SNX25: variants seen among roughly 807,000 people sequenced by gnomAD.
SNX25 encodes sorting nexin 25, also known as sorting nexin-25.
Under a neutral mutation model 113.7 loss-of-function variants are expected in SNX25, and 62 were observed. The observed-to-expected ratio is 0.55, with a 90% CI of 0.44 to 0.67. The LOEUF is 0.67. Ranked by LOEUF, SNX25 falls within the 30% of genes least tolerant of loss-of-function variation. The probability of loss-of-function intolerance (pLI) is 0.00; values close to 1 mark genes in which losing one functional copy is unlikely to be tolerated. For synonymous variants in SNX25, 421 were observed against 436.2 expected, an observed-to-expected ratio of 0.97 and a Z score of 0.43; for missense variants, 1,014 against 1,161.0, an observed-to-expected ratio of 0.87 and a Z score of 1.84.
At chr4:185,376,681 AAAAC>A in the SNX25 span, among the ~76,000 whole-genome samples, 1 of 152,200 alleles carries the variant, frequency 6.6e-6, no homozygotes, top group Non-Finnish European at 1.5e-5. Flanking sequence ...ATTTTATACT[AAAAC>A]GACTCCCATA....
rs568467160 is a variant in SNX25, at chr4:185,300,170, T to A, written c.1163-10465T>A. Among the ~76,000 whole-genome samples the A allele has an allele frequency of 5.0e-3, 761 of 152,224 alleles. 2 individuals carry two copies. The highest frequency in any genetic ancestry group is 0.016 in the African/African-American group (685 of 41,528). On this transcript the variant is annotated intron_variant, in intron 6 of 18. Transcript: ENST00000652585. ...AACAATGTCCACTAGGAAATTTTTT[T>A]TTTTTTTGAGGTGGAGCCTCGCTCT...
chr4:185,339,189 A>G (rs2095247642), intron 10 of SNX25, among the ~76,000 whole-genome samples, 190 bp from the exon 11 acceptor site: 2 of 152,110 alleles, frequency 1.3e-5, no homozygotes, highest in South Asian at 4.1e-4. Flanking sequence ...CCTTGTTTAC[A>G]TTAATCCCTA....
chr4:185,220,353 A>T (rs1034722645), intron 1 of SNX25, among the ~76,000 whole-genome samples: 1 of 151,978 alleles, frequency 6.6e-6, no homozygotes, highest in Non-Finnish European at 1.5e-5. Flanking sequence ...ACATATGTAT[A>T]CATGTGCCAT....
intron 1 of SNX25, among the ~76,000 whole-genome samples, chr4:185,243,898 T>G (rs1407611755): frequency 6.6e-6 from 1 of 152,138 alleles, no homozygotes; most frequent in Non-Finnish European, 1.5e-5. Flanking sequence ...TAGACACATA[T>G]CCAAAGAATA....
At chr4:185,375,654 C>G in the SNX25 span, 2 of 1,612,060 alleles carry the variant, frequency 1.2e-6, no homozygotes, top group African/African-American at 1.3e-5. Context: ...TACATCACTC[C>G]TAGCTGGTAA....
intron 2 of SNX25, among the ~76,000 whole-genome samples, chr4:185,251,598 CGT>C (rs71593618): frequency 0.16 from 23,566 of 146,942 alleles, 1,873 homozygotes; most frequent in African/African-American, 0.2. Context: ...TATTCCATTG[CGT>C]GTGTGTGTGT....
intron 12 of SNX25, 116 bp from the exon 13 acceptor site, chr4:185,346,421 T>G (rs1488078668): frequency 4.2e-6 from 3 of 719,802 alleles, no homozygotes; most frequent in Non-Finnish European, 6.8e-6. Context: ...GGTTTTCACC[T>G]CAGAGGAACA....
chr4:185,323,400 A>C (rs2095134840), intron 8 of SNX25, 128 bp from the exon 9 acceptor site: 3 of 844,300 alleles, frequency 3.6e-6, no homozygotes, highest in Admixed American at 6.0e-5. Flanking sequence ...ATATGGACAC[A>C]AAATTCTACA....
At chr4:185,231,168 G>A (rs751078873) in intron 1 of SNX25, among the ~76,000 whole-genome samples, 94 of 150,170 alleles carry the variant, frequency 6.3e-4, no homozygotes, top group Non-Finnish European at 1.1e-3. Context: ...GCATGATCTC[G>A]GCTCACTGCA....
chr4:185,367,135 T>G (rs918177895), downstream of SNX25: 6 of 1,465,738 alleles, frequency 4.1e-6, no homozygotes, highest in African/African-American at 8.4e-5. Context: ...ATACACACAT[T>G]GTGAGGTGTT....
chr4:185,277,736 T>G (rs1227506622), intron 5 of SNX25, among the ~76,000 whole-genome samples: 1 of 60,584 alleles, frequency 1.7e-5, no homozygotes, highest in African/African-American at 6.1e-5. Context: ...TTTTTTTTTT[T>G]TTTTTTTTTT....
In SNX25 at chr4:185,248,577, G is replaced by A. The variant is rs1030813346; in HGVS notation, c.514+1199G>A. Among the ~76,000 whole-genome samples the A allele has an allele frequency of 2.6e-5, 4 of 151,992 alleles. 1 individual carries two copies. Among genetic ancestry groups the A allele is most frequent in the East Asian group, 1.9e-4 (1 of 5,182 alleles). On this transcript the variant is annotated intron_variant, in intron 2 of 18. Coordinates refer to ENST00000652585, the MANE Select transcript of SNX25 (RefSeq NM_001378034.2). The stretch of plus-strand genomic sequence containing the variant: ...TGAAGTGGGAGAATTGCTTGAGCCC[G>A]AGAGGCAGAGATTTGCAGTGAGCCT...
At chr4:185,224,141 T>TAGGAGTTC (rs1740454829) in intron 1 of SNX25, among the ~76,000 whole-genome samples, 2 of 151,968 alleles carry the variant, frequency 1.3e-5, no homozygotes, top group Non-Finnish European at 2.9e-5. Context: ...CACCTGAGGT[T>TAGGAGTTC]AGGAGTTCAA....
chr4:185,219,679 A>T (rs1579327876), intron 1 of SNX25, among the ~76,000 whole-genome samples: 1 of 152,170 alleles, frequency 6.6e-6, no homozygotes, highest in African/African-American at 2.4e-5. Flanking sequence ...GCTTCTCTCC[A>T]TCTGGCTCAG....
chr4:185,308,089 TCTC>T (rs1754715330), intron 6 of SNX25, among the ~76,000 whole-genome samples: 1 of 152,114 alleles, frequency 6.6e-6, no homozygotes, highest in Admixed American at 6.5e-5. Flanking sequence ...ACTGATTTCT[TCTC>T]CTCAGCATTA....
chr4:185,329,396 G>T (rs2095178402), intron 9 of SNX25, among the ~76,000 whole-genome samples: 1 of 152,096 alleles, frequency 6.6e-6, no homozygotes, highest in South Asian at 2.1e-4. Context: ...GAGGGTGTCT[G>T]TTTTTGTTCC....
chr4:185,247,155 C>G (rs1289983300), intron 1 of SNX25, 139 bp from the exon 2 acceptor site: 2 of 577,424 alleles, frequency 3.5e-6, no homozygotes, highest in Non-Finnish European at 6.0e-6. Flanking sequence ...CATTTATTTA[C>G]TTTTGTGGAA....
At chr4:185,342,928 T>C (rs2095267567) in intron 12 of SNX25, among the ~76,000 whole-genome samples, 2 of 152,296 alleles carry the variant, frequency 1.3e-5, no homozygotes, top group South Asian at 4.1e-4. Context: ...TCCTGCTCTG[T>C]CGCCCAGGCT....
At chr4:185,312,188 T>C (rs2095036320) in intron 7 of SNX25, among the ~76,000 whole-genome samples, 1 of 152,148 alleles carries the variant, frequency 6.6e-6, no homozygotes, top group African/African-American at 2.4e-5. Context: ...CAGACATTTA[T>C]TGAGGGCCCA....
Sources: gnomAD v4.1 joint callset for allele counts (sites outside exome capture counted in the v4.1 genomes callset) on GRCh38, gnomAD v4.1.1 for gene constraint, MANE v1.5 for transcripts, NCBI Gene and HGNC (gene_info 2026-07-23, HGNC 2026-07-21) for gene names.